Variants in PHACTR3 observed in about 807,000 individuals in gnomAD.
PHACTR3 encodes phosphatase and actin regulator 3, also known as protein phosphatase 1, regulatory subunit 123.
PHACTR3 carries 16 observed loss-of-function variants against 66.8 expected under a neutral mutation model. That is an observed-to-expected ratio of 0.24 (90% confidence interval 0.16 to 0.36). The LOEUF (loss-of-function observed/expected upper bound fraction) is 0.36, where lower values mean the gene tolerates loss of function less well. Among genes scored for constraint, PHACTR3 ranks in the 10% least tolerant of loss-of-function variants. The probability of loss-of-function intolerance (pLI) is 1.00; values close to 1 mark genes in which losing one functional copy is unlikely to be tolerated. For synonymous variants in PHACTR3, 323 were observed against 292.1 expected (o/e 1.11, Z -1.08); for missense variants, 647 against 719.9 (o/e 0.90, Z 1.16).
chr20:59,666,540 TAGAGAG>T (rs35155368), intron 1 of PHACTR3, among the ~76,000 whole-genome samples: 3,751 of 147,702 alleles, frequency 0.025, 62 homozygotes, highest in Middle Eastern at 0.059. Context: ...GAGACAGAGG[TAGAGAG>T]AGAGAGACAA....
intron 4 of PHACTR3, among the ~76,000 whole-genome samples, chr20:59,765,176 T>C (rs1351106168): frequency 1.3e-5 from 2 of 152,186 alleles, no homozygotes; most frequent in Non-Finnish European, 2.9e-5. Context: ...ACTTACTAAG[T>C]GAAACAACTA....
At chr20:59,770,777 C>T (rs1409274042) in intron 5 of PHACTR3, among the ~76,000 whole-genome samples, 1 of 152,208 alleles carries the variant, frequency 6.6e-6, no homozygotes, top group Non-Finnish European at 1.5e-5. Flanking sequence ...CTTTGCATTC[C>T]TGGGTTTCAC....
chr20:59,747,599 A>G (rs1220040814), intron 2 of PHACTR3, among the ~76,000 whole-genome samples, 159 bp from the exon 3 acceptor site: 1 of 152,202 alleles, frequency 6.6e-6, no homozygotes, highest in African/African-American at 2.4e-5. Context: ...CTTGGTAAGA[A>G]AGTTGGGCCT....
At chr20:59,716,204 CTTTGTGTG>C (rs1334989096) in intron 1 of PHACTR3, among the ~76,000 whole-genome samples, 14 of 132,246 alleles carry the variant, frequency 1.1e-4, no homozygotes, top group African/African-American at 3.8e-4. Context: ...TCCCTTCACC[CTTTGTGTG>C]TGTGTGTGTG....
chr20:59,704,885 A>G (rs2037643078), intron 1 of PHACTR3, among the ~76,000 whole-genome samples: 1 of 152,020 alleles, frequency 6.6e-6, no homozygotes. Context: ...ATTTTGGAGA[A>G]CTGATATTTT....
chr20:59,615,953 G>A (rs950496931), intron 1 of PHACTR3, among the ~76,000 whole-genome samples: 10 of 152,178 alleles, frequency 6.6e-5, no homozygotes, highest in Non-Finnish European at 1.3e-4. Flanking sequence ...GGCTCCTGGA[G>A]TCAGAATCAC....
At chr20:59,758,399 A>G (rs964097674) in intron 4 of PHACTR3, among the ~76,000 whole-genome samples, 1 of 152,248 alleles carries the variant, frequency 6.6e-6, no homozygotes, top group Middle Eastern at 3.2e-3. Context: ...ATATAAATTC[A>G]CTTAAAGTAA....
At chr20:59,603,111 C>T (rs951560402), upstream of PHACTR3, among the ~76,000 whole-genome samples, 1 of 152,214 alleles carries the variant, frequency 6.6e-6, no homozygotes, top group African/African-American at 2.4e-5. Flanking sequence ...GTGGATAAAA[C>T]GTATCTATTC....
At chr20:59,641,950 C>G (rs922501918) in intron 1 of PHACTR3, among the ~76,000 whole-genome samples, 6 of 152,166 alleles carry the variant, frequency 3.9e-5, no homozygotes, top group African/African-American at 1.4e-4. Context: ...ACGGAGGAAC[C>G]TCTCACAAAA....
chr20:59,650,318 CATAGGT>C (rs1417337502), intron 1 of PHACTR3, among the ~76,000 whole-genome samples: 39 of 152,048 alleles, frequency 2.6e-4, no homozygotes, highest in African/African-American at 7.2e-4. Context: ...ATTCTAAGTT[CATAGGT>C]ATAAGAATAA....
chr20:59,684,947 A>G (rs953142146), intron 1 of PHACTR3, among the ~76,000 whole-genome samples: 1 of 151,960 alleles, frequency 6.6e-6, no homozygotes, highest in African/African-American at 2.4e-5. Context: ...TTGGCTTCCC[A>G]TGGCTCAGCA....
At chr20:59,644,247 A>C (rs1398084781) in intron 1 of PHACTR3, among the ~76,000 whole-genome samples, 1 of 152,220 alleles carries the variant, frequency 6.6e-6, no homozygotes, top group Non-Finnish European at 1.5e-5. Context: ...GTGATGGAGA[A>C]GGCAGCTGCA....
intron 1 of PHACTR3, among the ~76,000 whole-genome samples, chr20:59,696,194 C>T (rs556792147): frequency 6.6e-6 from 1 of 152,314 alleles, no homozygotes; most frequent in Admixed American, 6.5e-5. Context: ...GGTGCTAGCA[C>T]ACAATAAAAT....
intron 1 of PHACTR3, among the ~76,000 whole-genome samples, chr20:59,629,791 C>T (rs180873168): frequency 1.3e-4 from 20 of 152,326 alleles, no homozygotes; most frequent in East Asian, 1.2e-3. Context: ...TGGGTGGCAC[C>T]GAATGAGTGT....
chr20:59,668,055 T>C (rs865987), intron 1 of PHACTR3, among the ~76,000 whole-genome samples: 22,016 of 152,112 alleles, frequency 0.14, 1,885 homozygotes, highest in East Asian at 0.25. Flanking sequence ...TGTACACAGA[T>C]AGAGGTGGGC....
intron 1 of PHACTR3, among the ~76,000 whole-genome samples, chr20:59,709,050 A>C (rs191111775): frequency 1.3e-5 from 2 of 152,336 alleles, no homozygotes; most frequent in Admixed American, 1.3e-4. Flanking sequence ...GCGGAATCAA[A>C]AGAAGATATT....
intron 1 of PHACTR3, among the ~76,000 whole-genome samples, chr20:59,585,166 A>C (rs2146304137): frequency 6.6e-6 from 1 of 152,284 alleles, no homozygotes; most frequent in South Asian, 2.1e-4. Context: ...GTCACCGCTT[A>C]TGATCTGGCT....
At chr20:59,762,613 G>A (rs1026090414) in intron 4 of PHACTR3, among the ~76,000 whole-genome samples, 1 of 152,214 alleles carries the variant, frequency 6.6e-6, no homozygotes, top group Non-Finnish European at 1.5e-5. Flanking sequence ...ATGTAGTTTG[G>A]ATTGGCTAGC....
chr20:59,735,527 A>T (rs1271610085), intron 1 of PHACTR3, among the ~76,000 whole-genome samples: 1 of 152,098 alleles, frequency 6.6e-6, no homozygotes, highest in African/African-American at 2.4e-5. Context: ...AAGTGGAAGG[A>T]TAAGATAAGA....
Sources: gnomAD v4.1 joint callset for allele counts (sites outside exome capture counted in the v4.1 genomes callset) on GRCh38, gnomAD v4.1.1 for gene constraint, MANE v1.5 for transcripts, NCBI Gene and HGNC (gene_info 2026-07-23, HGNC 2026-07-21) for gene names.